PDE10A: variants seen among roughly 807,000 people sequenced by gnomAD.
PDE10A encodes cAMP and cAMP-inhibited cGMP 3',5'-cyclic phosphodiesterase 10A.
Under a neutral mutation model 97.7 loss-of-function variants are expected in PDE10A, and 39 were observed. The observed-to-expected ratio is 0.40, with a 90% confidence interval of 0.31 to 0.52. The LOEUF (loss-of-function observed/expected upper bound fraction) is 0.52. Ranked by LOEUF, PDE10A falls within the 20% of genes least tolerant of loss-of-function variation. The pLI, the probability that PDE10A is intolerant of heterozygous loss-of-function variation, is 0.56. For synonymous variants in PDE10A, 371 were observed against 376.8 expected (o/e 0.98, Z 0.18); for missense variants, 731 against 1,047.8 (o/e 0.70, Z 4.17).
chr6:165,452,629 C>A (rs1448737454), intron 3 of PDE10A, among the ~76,000 whole-genome samples: 1 of 152,160 alleles, frequency 6.6e-6, no homozygotes, highest in Non-Finnish European at 1.5e-5. Context: ...CCCCTCATCC[C>A]AGGACCTCCC....
At chr6:165,888,910 C>T (rs1781703841) in intron 1 of PDE10A, among the ~76,000 whole-genome samples, 1 of 152,202 alleles carries the variant, frequency 6.6e-6, no homozygotes, top group South Asian at 2.1e-4. Context: ...ATTCAAACAT[C>T]CACATCTGTG....
intron 1 of PDE10A, among the ~76,000 whole-genome samples, chr6:165,741,340 A>G (rs1423819554): frequency 2.6e-5 from 4 of 152,218 alleles, no homozygotes; most frequent in Non-Finnish European, 5.9e-5. Flanking sequence ...AAAAAAATTT[A>G]TTAATCCACT....
intron 13 of PDE10A, among the ~76,000 whole-genome samples, chr6:165,410,488 T>C (rs1365292975): frequency 2.0e-5 from 1 of 49,540 alleles, no homozygotes; most frequent in Non-Finnish European, 3.7e-5. Flanking sequence ...GAAAATGAGA[T>C]GGCTAGAGCA....
intron 1 of PDE10A, among the ~76,000 whole-genome samples, chr6:165,592,941 A>G (rs138558380): frequency 0.037 from 5,618 of 152,316 alleles, 158 homozygotes; most frequent in Non-Finnish European, 0.053. Context: ...CAGCCATCCC[A>G]TTACTGGGTA....
At chr6:165,408,205 A>G (rs1787368996) in intron 13 of PDE10A, among the ~76,000 whole-genome samples, 1 of 152,252 alleles carries the variant, frequency 6.6e-6, no homozygotes. Flanking sequence ...AATTAAAATG[A>G]CAATAACGGT....
chr6:165,384,631 A>T (rs2983375), intron 17 of PDE10A, among the ~76,000 whole-genome samples: 1,366 of 66,606 alleles, frequency 0.021, 41 homozygotes, highest in South Asian at 0.023. Flanking sequence ...TGTGTGAGTG[A>T]GTGTGTGTGT....
At chr6:165,965,476 C>G (rs1450757910) in intron 1 of PDE10A, among the ~76,000 whole-genome samples, 2 of 152,102 alleles carry the variant, frequency 1.3e-5, no homozygotes, top group African/African-American at 4.8e-5. Context: ...TGAAAATCAC[C>G]ACAATTCTGT....
rs1781338352 is a variant in PDE10A, at chr6:165,331,483, T to C, written c.*1542A>G. 1 of 152,232 alleles carries C rather than the reference T, an allele frequency of 6.6e-6. No homozygotes were observed. Among genetic ancestry groups the C allele is most frequent in the Non-Finnish European group, 1.5e-5 (1 of 68,040 alleles). The allele number at this position is 152,232 out of a possible 1,614,324, so 9.4% of individuals were successfully genotyped here. ...TAATTTTGCACAAACCAGGCTCATATGAACAAAACGCCTATGGTGGTAAAT... is the reference window on the plus strand; with the variant it reads ...TAATTTTGCACAAACCAGGCTCATACGAACAAAACGCCTATGGTGGTAAAT... On this transcript the variant is annotated 3_prime_UTR_variant, in exon 22 of 22. Coordinates refer to ENST00000539869, the MANE Select transcript of PDE10A (RefSeq NM_001385079.1).
chr6:165,725,344 A>G (rs540636143), intron 1 of PDE10A, among the ~76,000 whole-genome samples: 79 of 152,318 alleles, frequency 5.2e-4, no homozygotes, highest in African/African-American at 1.9e-3. Context: ...CCTGTAACAC[A>G]CACCCACTAG....
intron 1 of PDE10A, among the ~76,000 whole-genome samples, chr6:165,770,246 T>A (rs1219238496): frequency 1.4e-5 from 2 of 147,748 alleles, no homozygotes; most frequent in East Asian, 4.0e-4. Context: ...TCAAAAAGCA[T>A]CAAATCAAAT....
At chr6:165,957,547 G>A (rs145775442) in intron 1 of PDE10A, among the ~76,000 whole-genome samples, 11 of 152,164 alleles carry the variant, frequency 7.2e-5, no homozygotes, top group East Asian at 3.9e-4. Flanking sequence ...TACAACTAAC[G>A]TTTTCTGACC....
Position 165,787,956 on chromosome 6 carries a change from T to C in PDE10A, c.-615+199573A>G, listed in dbSNP as rs1395624124. Among the ~76,000 whole-genome samples the C allele has an allele frequency of 2.0e-5, 3 of 152,214 alleles. No individual in the cohort carries two copies. The East Asian group carries it at 5.8e-4, about 29-fold the overall frequency. On this transcript the variant is annotated intron_variant, in intron 1 of 19. Transcript: ENST00000366882. ...ACTTGTTTGCTATATTATAGCACAATCTAGCATAAATAAGAGACCACCTTC... is the reference window on the plus strand; with the variant it reads ...ACTTGTTTGCTATATTATAGCACAACCTAGCATAAATAAGAGACCACCTTC...
chr6:165,651,024 C>T (rs1789661938), intron 1 of PDE10A, among the ~76,000 whole-genome samples: 1 of 152,218 alleles, frequency 6.6e-6, no homozygotes, highest in Admixed American at 6.5e-5. Context: ...GCGTGAGCCA[C>T]CACGCCCAGC....
chr6:165,436,097 CT>C (rs1386967654), intron 5 of PDE10A, among the ~76,000 whole-genome samples: 15 of 152,238 alleles, frequency 9.9e-5, no homozygotes, highest in South Asian at 4.1e-4. Flanking sequence ...AGAATTGCTA[CT>C]TTAATCATGT....
At chr6:165,335,822 C>T (rs1000041385) in intron 21 of PDE10A, among the ~76,000 whole-genome samples, 1 of 152,062 alleles carries the variant, frequency 6.6e-6, no homozygotes, top group East Asian at 1.9e-4. Context: ...TCATCTGGGC[C>T]CTGACTGTGT....
intron 18 of PDE10A, among the ~76,000 whole-genome samples, chr6:165,365,573 A>G (rs185991455): frequency 6.6e-6 from 1 of 152,108 alleles, no homozygotes; most frequent in Non-Finnish European, 1.5e-5. Flanking sequence ...GTAGCCAGGC[A>G]TGATGGTGTT....
At chr6:165,748,872 C>A (rs1255076425) in intron 1 of PDE10A, among the ~76,000 whole-genome samples, 2 of 151,882 alleles carry the variant, frequency 1.3e-5, no homozygotes, top group Non-Finnish European at 2.9e-5. Flanking sequence ...TAAACAGCAA[C>A]TAGAATTATA....
At chr6:165,688,324 C>CA (rs1791179417) in intron 1 of PDE10A, among the ~76,000 whole-genome samples, 1 of 152,084 alleles carries the variant, frequency 6.6e-6, no homozygotes, top group Non-Finnish European at 1.5e-5. Context: ...GTCAAGAGAG[C>CA]AAAAACGCAA....
chr6:165,335,810 G>A lies in PDE10A; in HGVS notation c.3065+313C>T, dbSNP rs112688547. ...GAGACAGAGGCCCTCCCAGTCACTC[G>A]GTCATCTGGGCCCTGACTGTGTCTG... On this transcript the variant is annotated intron_variant, in intron 21 of 21. Coordinates refer to ENST00000539869, the MANE Select transcript of PDE10A (RefSeq NM_001385079.1). Among the ~76,000 whole-genome samples the A allele has an allele frequency of 4.2e-3, 637 of 151,598 alleles. 5 individuals are homozygous for A. Among genetic ancestry groups the A allele is most frequent in the African/African-American group, 0.014 (588 of 41,344 alleles).
Sources: gnomAD v4.1 joint callset for allele counts (sites outside exome capture counted in the v4.1 genomes callset) on GRCh38, gnomAD v4.1.1 for gene constraint, MANE v1.5 for transcripts, NCBI Gene and HGNC (gene_info 2026-07-23, HGNC 2026-07-21) for gene names.